KLRG1: variants seen among roughly 807,000 people sequenced by gnomAD.
KLRG1 encodes killer cell lectin like receptor G1.
In KLRG1, 16 loss-of-function variants were observed where a neutral mutation model predicts 21.8. That is an observed-to-expected ratio of 0.73 (90% CI 0.50 to 1.11). The LOEUF (loss-of-function observed/expected upper bound fraction) is 1.11. KLRG1 is among the 50% of genes most tolerant of loss of function. The pLI is 0.00. For synonymous variants in KLRG1, 69 were observed against 75.9 expected (o/e 0.91, Z 0.47); for missense variants, 173 against 218.3 (o/e 0.79, Z 1.31).
the KLRG1 span, among the ~76,000 whole-genome samples, chr12:9,075,913 A>G: frequency 9.4e-4 from 143 of 152,344 alleles, no homozygotes; most frequent in African/African-American, 3.3e-3. Context: ...GCCCTTTTGT[A>G]TATCTATTAT....
At chr12:8,976,814 T>A (rs1946663800) in intron 1 of KLRG1, among the ~76,000 whole-genome samples, 1 of 151,688 alleles carries the variant, frequency 6.6e-6, no homozygotes, top group Non-Finnish European at 1.5e-5. Flanking sequence ...GGCGTGCATT[T>A]TGGCTCGCTG....
upstream of KLRG1, among the ~76,000 whole-genome samples, chr12:8,984,955 T>G (rs1241687701): frequency 6.6e-6 from 1 of 152,196 alleles, no homozygotes; most frequent in Non-Finnish European, 1.5e-5. Context: ...CACAGAACAT[T>G]TCTTTATACC....
At chr12:9,025,445 T>C in the KLRG1 span, among the ~76,000 whole-genome samples, 2 of 152,162 alleles carry the variant, frequency 1.3e-5, no homozygotes, top group East Asian at 1.9e-4. Context: ...GAGATCAGTC[T>C]GGCCAACATG....
At chr12:8,960,054 A>G (rs760211069) in intron 1 of KLRG1, among the ~76,000 whole-genome samples, 15 of 152,182 alleles carry the variant, frequency 9.9e-5, no homozygotes, top group East Asian at 1.9e-4. Context: ...ACAACTGGCA[A>G]ACTGGGAAAA....
chr12:9,195,730 A>G, the KLRG1 span, among the ~76,000 whole-genome samples: 2 of 149,720 alleles, frequency 1.3e-5, no homozygotes, highest in East Asian at 3.9e-4. Context: ...CTGGGATTAT[A>G]AGCATGAGCC....
chr12:9,038,291 T>C, the KLRG1 span, among the ~76,000 whole-genome samples: 2 of 151,960 alleles, frequency 1.3e-5, no homozygotes, highest in African/African-American at 4.8e-5. Flanking sequence ...AATTCCAAAA[T>C]CCATAAGGCA....
the KLRG1 span, among the ~76,000 whole-genome samples, chr12:9,133,658 T>C: frequency 6.6e-6 from 1 of 152,272 alleles, no homozygotes; most frequent in Admixed American, 6.5e-5. Context: ...AGAGGGCAAG[T>C]TATACAGCAT....
chr12:9,105,034 A>G, the KLRG1 span, among the ~76,000 whole-genome samples: 1 of 152,210 alleles, frequency 6.6e-6, no homozygotes, highest in Non-Finnish European at 1.5e-5. Context: ...TGTGAAAAAT[A>G]TAAAATTGAA....
the KLRG1 span, among the ~76,000 whole-genome samples, chr12:9,076,095 T>C: frequency 1.3e-5 from 2 of 152,208 alleles, no homozygotes; most frequent in Admixed American, 1.3e-4. Context: ...TGGTCAACAT[T>C]ATTGGTCTTA....
the KLRG1 span, among the ~76,000 whole-genome samples, chr12:9,195,105 C>CA: frequency 2.0e-5 from 3 of 151,328 alleles, no homozygotes; most frequent in African/African-American, 4.9e-5. Context: ...GAATTTTTAG[C>CA]AAAAAAAGGA....
At chr12:9,071,123 G>A in the KLRG1 span, among the ~76,000 whole-genome samples, 1 of 152,062 alleles carries the variant, frequency 6.6e-6, no homozygotes, top group Non-Finnish European at 1.5e-5. Flanking sequence ...CCCGGCTGAG[G>A]ATCTGCATTT....
At chr12:9,181,848 T>C in the KLRG1 span, 8 of 1,053,994 alleles carry the variant, frequency 7.6e-6, no homozygotes, top group Admixed American at 1.1e-4. Flanking sequence ...GGGTCTGCCA[T>C]AAACTTGTTG....
the KLRG1 span, chr12:9,072,775 T>A: frequency 1.2e-6 from 2 of 1,614,222 alleles, no homozygotes; most frequent in Admixed American, 3.3e-5. Context: ...CTGGAAAATG[T>A]CCCTGAAGAC....
the KLRG1 span, among the ~76,000 whole-genome samples, chr12:9,136,295 T>C: frequency 1.3e-5 from 2 of 152,186 alleles, no homozygotes; most frequent in Non-Finnish European, 2.9e-5. Context: ...AAATTGGAGG[T>C]CTGGTTTGTA....
the KLRG1 span, among the ~76,000 whole-genome samples, chr12:9,188,174 C>T: frequency 1.3e-5 from 2 of 152,338 alleles, no homozygotes; most frequent in South Asian, 4.1e-4. Flanking sequence ...AGCTTAGCTA[C>T]CGCGATCAAG....
the KLRG1 span, chr12:9,115,032 A>G: frequency 3.9e-5 from 6 of 152,166 alleles, no homozygotes; most frequent in Non-Finnish European, 8.8e-5. Context: ...TTCTGTTACT[A>G]TTTTTGTTTT....
chr12:9,155,928 C>T, the KLRG1 span: 2 of 160,488 alleles, frequency 1.2e-5, no homozygotes, highest in Non-Finnish European at 2.8e-5. Flanking sequence ...GGAGTCACAC[C>T]ATCCTCATGG....
At chr12:8,966,566 C>T (rs974342119) in intron 1 of KLRG1, among the ~76,000 whole-genome samples, 33 of 152,136 alleles carry the variant, frequency 2.2e-4, no homozygotes, top group African/African-American at 7.7e-4. Context: ...TTTATGCAGC[C>T]AAAAAACACA....
At chr12:9,025,670 G>A in the KLRG1 span, among the ~76,000 whole-genome samples, 1 of 152,092 alleles carries the variant, frequency 6.6e-6, no homozygotes, top group Non-Finnish European at 1.5e-5. Context: ...TGTGAGAGAG[G>A]ATGCTTTATA....
Sources: allele counts gnomAD v4.1 joint callset (sites outside exome capture counted in the v4.1 genomes callset), GRCh38; gene constraint gnomAD v4.1.1; transcripts MANE v1.5; gene names NCBI Gene and HGNC (gene_info 2026-07-23, HGNC 2026-07-21).